The following NACC2 variants were observed in gnomAD, a reference collection of about 807,000 sequenced individuals.
The protein encoded by NACC2 is NACC family member 2.
Under a neutral mutation model 25.1 loss-of-function variants are expected in NACC2, and 8 were observed. The observed-to-expected ratio is 0.32, with a 90% CI of 0.19 to 0.57. The LOEUF (loss-of-function observed/expected upper bound fraction) is 0.57, where lower values mean the gene tolerates loss of function less well. Ranked by LOEUF, NACC2 falls within the 20% of genes least tolerant of loss-of-function variation. NACC2 has a pLI of 0.89. For synonymous variants in NACC2, 435 were observed against 294.7 expected (o/e 1.48, Z -4.88); for missense variants, 644 against 650.2 (o/e 0.99, Z 0.10).
intron 1 of NACC2, among the ~76,000 whole-genome samples, chr9:136,090,045 G>C (rs1410346135): frequency 2.0e-5 from 3 of 151,340 alleles, no homozygotes; most frequent in African/African-American, 7.3e-5. Flanking sequence ...ATTTAACAAA[G>C]GCGCTTAGCT....
chr9:136,043,813 T>C (rs1014255835), intron 2 of NACC2, among the ~76,000 whole-genome samples: 4 of 152,180 alleles, frequency 2.6e-5, no homozygotes, highest in African/African-American at 9.7e-5. Flanking sequence ...TTGTAAAGGA[T>C]ACAAATACTT....
chr9:136,064,193 G>C (rs544821744), intron 1 of NACC2, among the ~76,000 whole-genome samples: 83 of 152,172 alleles, frequency 5.5e-4, no homozygotes, highest in African/African-American at 2.0e-3. Context: ...GGAGGCTGAG[G>C]GGGGAGAATC....
At chr9:136,021,762 C>T (rs770726423) in intron 2 of NACC2, among the ~76,000 whole-genome samples, 2 of 152,314 alleles carry the variant, frequency 1.3e-5, no homozygotes, top group South Asian at 2.1e-4. Context: ...GACGTGTTAC[C>T]GCTTGGCTGT....
chr9:136,039,017 T>G (rs1324497777), intron 2 of NACC2, among the ~76,000 whole-genome samples: 1 of 151,998 alleles, frequency 6.6e-6, no homozygotes, highest in Non-Finnish European at 1.5e-5. Context: ...GTCTAAAGAT[T>G]CCAAATAAAA....
intron 1 of NACC2, among the ~76,000 whole-genome samples, chr9:136,078,854 G>T (rs72773715): frequency 0.031 from 4,720 of 152,264 alleles, 116 homozygotes; most frequent in Admixed American, 0.053. Flanking sequence ...AGGGCCTCTC[G>T]CCCCTTGTCC....
intron 2 of NACC2, among the ~76,000 whole-genome samples, chr9:136,039,149 C>T (rs1840594595): frequency 6.6e-6 from 1 of 152,132 alleles, no homozygotes; most frequent in African/African-American, 2.4e-5. Context: ...CACACAAATA[C>T]TAAATATAAG....
intron 1 of NACC2, among the ~76,000 whole-genome samples, chr9:136,074,215 C>G (rs537957310): frequency 6.6e-6 from 1 of 150,766 alleles, no homozygotes; most frequent in Non-Finnish European, 1.5e-5. Flanking sequence ...CTTTGGGAGG[C>G]CGAGGAGGGC....
chr9:136,030,369 C>G (rs754648236), intron 2 of NACC2, among the ~76,000 whole-genome samples: 3 of 151,908 alleles, frequency 2.0e-5, no homozygotes, highest in Admixed American at 6.6e-5. Context: ...CAGCACTTTG[C>G]GAGGCCAAGG....
chr9:136,069,436 C>G (rs1841124521), intron 1 of NACC2, among the ~76,000 whole-genome samples: 1 of 151,276 alleles, frequency 6.6e-6, no homozygotes. Context: ...GTAATCTCAG[C>G]TACTCGGGAG....
intron 2 of NACC2, among the ~76,000 whole-genome samples, chr9:136,035,913 AAT>A (rs1386145014): frequency 2.0e-5 from 3 of 152,180 alleles, no homozygotes; most frequent in Non-Finnish European, 4.4e-5. Context: ...ATTTCAAAAC[AAT>A]GTGTGTTTTT....
At chr9:136,093,616 G>A (rs552803592) in intron 1 of NACC2, among the ~76,000 whole-genome samples, 4 of 152,222 alleles carry the variant, frequency 2.6e-5, no homozygotes, top group South Asian at 2.1e-4. Context: ...TGGCTTTGCC[G>A]AAAGGACAGG....
intron 1 of NACC2, among the ~76,000 whole-genome samples, chr9:136,073,155 T>C (rs1397053221): frequency 6.6e-6 from 1 of 152,054 alleles, no homozygotes; most frequent in Non-Finnish European, 1.5e-5. Flanking sequence ...TGGCCGGGTA[T>C]GGTGGCACGT....
At chr9:136,061,059 A>T (rs949535941) in intron 1 of NACC2, among the ~76,000 whole-genome samples, 2 of 152,090 alleles carry the variant, frequency 1.3e-5, no homozygotes, top group Non-Finnish European at 2.9e-5. Flanking sequence ...ACTGGAACGG[A>T]CGGACGCCCC....
At chr9:136,053,759 G>C (rs1413436138) in intron 1 of NACC2, among the ~76,000 whole-genome samples, 7 of 152,222 alleles carry the variant, frequency 4.6e-5, no homozygotes, top group African/African-American at 1.7e-4. Context: ...CCAAGGACGG[G>C]GGGGTAGGGA....
At chr9:136,070,135 A>T (rs1841132316) in intron 1 of NACC2, among the ~76,000 whole-genome samples, 1 of 151,940 alleles carries the variant, frequency 6.6e-6, no homozygotes, top group South Asian at 2.1e-4. Flanking sequence ...TAGAAATCGT[A>T]ACAAAGGTAA....
At chr9:136,050,667 C>CG in intron 1 of NACC2, 87 bp from the exon 2 acceptor site, 1 of 648,432 alleles carries the variant, frequency 1.5e-6, no homozygotes, top group East Asian at 2.7e-5. Context: ...CCTCCCCCGC[C>CG]GGGGGCTTAC....
intron 1 of NACC2, among the ~76,000 whole-genome samples, chr9:136,059,849 C>T (rs1277969515): frequency 6.6e-6 from 1 of 152,218 alleles, no homozygotes; most frequent in Non-Finnish European, 1.5e-5. Context: ...AGAGTCCCTA[C>T]CTCGCCGTCA....
intron 2 of NACC2, among the ~76,000 whole-genome samples, chr9:136,046,073 G>T (rs1363548496): frequency 6.6e-6 from 1 of 152,212 alleles, no homozygotes; most frequent in Non-Finnish European, 1.5e-5. Flanking sequence ...AAGAGGAAAG[G>T]GGCTCCCGCT....
At chr9:136,093,772 T>G (rs1830456898) in intron 1 of NACC2, among the ~76,000 whole-genome samples, 1 of 132,052 alleles carries the variant, frequency 7.6e-6, no homozygotes, top group Admixed American at 8.0e-5. Flanking sequence ...ACCAGAGGGG[T>G]GCTCCAACGG....
Sources: allele counts gnomAD v4.1 joint callset (sites outside exome capture counted in the v4.1 genomes callset), GRCh38; gene constraint gnomAD v4.1.1; transcripts MANE v1.5; gene names NCBI Gene and HGNC (gene_info 2026-07-23, HGNC 2026-07-21).